CTXND1: variants seen among roughly 807,000 people sequenced by gnomAD.
CTXND1 encodes the protein cortexin domain containing 1, also known as cortexin domain-containing 1 protein.
chr15:80,214,853 T>G (rs1221250327), intron 1 of CTXND1, among the ~76,000 whole-genome samples: 2 of 152,186 alleles, frequency 1.3e-5, no homozygotes, highest in Non-Finnish European at 2.9e-5. Flanking sequence ...TTAAAATAGT[T>G]TGAACCTGGG....
intron 2 of CTXND1, among the ~76,000 whole-genome samples, chr15:80,202,811 T>C (rs559830740): frequency 8.6e-5 from 13 of 151,948 alleles, no homozygotes; most frequent in Admixed American, 5.9e-4. Context: ...GCCTGAAAAC[T>C]GTAAGTGTTA....
intron 1 of CTXND1, among the ~76,000 whole-genome samples, chr15:80,204,716 T>G (rs1893130629): frequency 6.6e-6 from 1 of 150,476 alleles, no homozygotes; most frequent in African/African-American, 2.4e-5. Context: ...GACACTCAGG[T>G]TGTTTTCACC....
chr15:80,203,112 G>T (rs934039476), intron 2 of CTXND1, among the ~76,000 whole-genome samples: 1 of 152,178 alleles, frequency 6.6e-6, no homozygotes, highest in African/African-American at 2.4e-5. Flanking sequence ...TCGAGGAGCT[G>T]GCTAGGAGCG....
chr15:80,242,768 C>G (rs1026937443), intron 1 of CTXND1, among the ~76,000 whole-genome samples: 20 of 152,154 alleles, frequency 1.3e-4, no homozygotes, highest in African/African-American at 4.8e-4. Context: ...CTACAATGTG[C>G]AGGTGGAGCT....
chr15:80,223,975 G>A (rs189450519), intron 1 of CTXND1, among the ~76,000 whole-genome samples: 204 of 152,288 alleles, frequency 1.3e-3, no homozygotes, highest in African/African-American at 4.6e-3. Flanking sequence ...AAATGAGGTA[G>A]AAATGATGCT....
At chr15:80,240,404 G>C (rs189590453) in intron 1 of CTXND1, among the ~76,000 whole-genome samples, 1 of 152,086 alleles carries the variant, frequency 6.6e-6, no homozygotes, top group African/African-American at 2.4e-5. Context: ...TCTGCCAGGC[G>C]TCCCAGATTG....
chr15:80,201,676 C>G lies in CTXND1; in HGVS notation c.*94G>C. 1 of 397,938 alleles carries G rather than the reference C, an allele frequency of 2.5e-6. No individual in the cohort carries two copies. The highest frequency in any genetic ancestry group is 4.4e-6 in the Non-Finnish European group (1 of 226,122). 24.7% of individuals were successfully genotyped at this position (397,938 alleles called of 1,614,324 possible). A position where few individuals can be genotyped will look rare whatever the true frequency, so the allele number is the denominator to read the frequency against. ...GGGTGGCCAGATTCATTCCTTGCCT[C>G]TGTGGGATGGCAGGCTGGCAGGGAA... is the stretch of plus-strand genomic sequence containing the variant. On this transcript the variant is annotated 3_prime_UTR_variant, in exon 3 of 3. Transcript: ENST00000560778.
At chr15:80,234,177 C>T (rs1238213570) in intron 1 of CTXND1, among the ~76,000 whole-genome samples, 1 of 152,174 alleles carries the variant, frequency 6.6e-6, no homozygotes, top group Admixed American at 6.5e-5. Flanking sequence ...AGCCGTCTTA[C>T]TTCAATGCAT....
chr15:80,247,835 G>GC (rs397803555), intron 1 of CTXND1, among the ~76,000 whole-genome samples: 2 of 151,860 alleles, frequency 1.3e-5, no homozygotes, highest in African/African-American at 2.4e-5. Context: ...TTTTAACTGG[G>GC]CCCAGGGAAA....
chr15:80,205,901 C>A (rs981769301), intron 1 of CTXND1, among the ~76,000 whole-genome samples: 1 of 151,922 alleles, frequency 6.6e-6, no homozygotes, highest in Non-Finnish European at 1.5e-5. Flanking sequence ...CCAGACCAAA[C>A]CCCTGGTGTT....
At position 80,195,930 on chromosome 15, in the gene CTXND1, G is replaced by A. The variant is rs1406758743; in HGVS notation, c.*5840C>T. On this transcript the variant is annotated 3_prime_UTR_variant, in exon 3 of 3. Transcript: ENST00000560778. ...TTATGGGTCTGTTAAATTGGAAGAT[G>A]ATCTTGTGCCATCTGGGGCTCCTTA... 6.6e-6 allele frequency: 1 copy of A among 152,194 alleles called. No individual in the cohort carries two copies. The highest frequency in any genetic ancestry group is 6.5e-5 in the Admixed American group (1 of 15,274). The allele number at this position is 152,194 out of a possible 1,614,324, so 9.4% of individuals were successfully genotyped here.
chr15:80,214,070 G>C (rs2142126492), intron 1 of CTXND1, among the ~76,000 whole-genome samples: 1 of 151,836 alleles, frequency 6.6e-6, no homozygotes, highest in Non-Finnish European at 1.5e-5. Flanking sequence ...AACAATTTTT[G>C]AAAAAAATTA....
At chr15:80,249,568 G>T (rs1369891741) in intron 1 of CTXND1, among the ~76,000 whole-genome samples, 1 of 152,208 alleles carries the variant, frequency 6.6e-6, no homozygotes, top group Non-Finnish European at 1.5e-5. Context: ...CTGACTTTTA[G>T]TAATTGATGA....
chr15:80,232,061 G>T (rs1042934912), intron 1 of CTXND1, among the ~76,000 whole-genome samples: 1 of 152,184 alleles, frequency 6.6e-6, no homozygotes, highest in Non-Finnish European at 1.5e-5. Context: ...GTTGTGGTTG[G>T]AGAGAAAGAC....
intron 1 of CTXND1, among the ~76,000 whole-genome samples, chr15:80,216,400 A>C (rs1356777077): frequency 1.3e-5 from 2 of 152,180 alleles, no homozygotes; most frequent in East Asian, 3.8e-4. Flanking sequence ...CAAAGAACAC[A>C]TTTCATTTGT....
intron 1 of CTXND1, among the ~76,000 whole-genome samples, chr15:80,208,023 G>C (rs1159624422): frequency 2.0e-5 from 3 of 152,156 alleles, no homozygotes; most frequent in Non-Finnish European, 4.4e-5. Flanking sequence ...TAAGAACATT[G>C]GCCATTCATT....
chr15:80,226,320 C>A (rs570599234), intron 1 of CTXND1, among the ~76,000 whole-genome samples: 1 of 152,154 alleles, frequency 6.6e-6, no homozygotes, highest in Non-Finnish European at 1.5e-5. Context: ...TCAGGAGGGT[C>A]TTTTTGCTCA....
intron 1 of CTXND1, among the ~76,000 whole-genome samples, chr15:80,248,383 A>G (rs1357005574): frequency 6.6e-6 from 1 of 152,232 alleles, no homozygotes; most frequent in East Asian, 1.9e-4. Context: ...TAGGAGACGC[A>G]GCGGAAAGGG....
At chr15:80,212,144 C>T (rs1893209821) in intron 1 of CTXND1, among the ~76,000 whole-genome samples, 1 of 152,154 alleles carries the variant, frequency 6.6e-6, no homozygotes, top group African/African-American at 2.4e-5. Flanking sequence ...CTACAGAGCA[C>T]CACAGGATCA....
Sources: gnomAD v4.1 joint callset for allele counts (sites outside exome capture counted in the v4.1 genomes callset) on GRCh38, gnomAD v4.1.1 for gene constraint, MANE v1.5 for transcripts, NCBI Gene and HGNC (gene_info 2026-07-23, HGNC 2026-07-21) for gene names.